The following FBXW10 variants were observed in gnomAD, a reference collection of about 807,000 sequenced individuals.
FBXW10 encodes the protein F-box and WD repeat domain containing 10.
FBXW10 carries 68 observed loss-of-function variants against 113.1 expected under a neutral mutation model. That is an observed-to-expected ratio of 0.60 (90% CI 0.49 to 0.74). FBXW10 has a LOEUF of 0.74. FBXW10 is among the 30% of genes least tolerant of loss of function. The pLI, the probability that FBXW10 is intolerant of heterozygous loss-of-function variation, is 0.00. For synonymous variants in FBXW10, 289 were observed against 481.6 expected (o/e 0.60, Z 5.24); for missense variants, 753 against 1,284.5 (o/e 0.59, Z 6.32).
chr17:18,746,002 G>A (rs1266522700), intron 1 of FBXW10, among the ~76,000 whole-genome samples: 1 of 152,162 alleles, frequency 6.6e-6, no homozygotes, highest in East Asian at 1.9e-4. Flanking sequence ...TTCTGGTGAG[G>A]GCTTCAGGAA....
At chr17:18,754,985 G>A (rs921793496) in intron 5 of FBXW10, among the ~76,000 whole-genome samples, 2 of 152,304 alleles carry the variant, frequency 1.3e-5, no homozygotes, top group Non-Finnish European at 2.9e-5. Context: ...AATGCAGGCT[G>A]GGCGTGGTGG....
Position 18,772,437 on chromosome 17 carries a change from G to A in FBXW10, c.2032G>A (p.Val678Ile), listed in dbSNP as rs1184638840. The change falls in exon 12 of 14, where the codon GTT (valine) becomes ATT (isoleucine). Residue 678 changes from valine (V) to isoleucine (I), a missense_variant. Physicochemically the swap from Val to Ile is conservative, Grantham distance 29. Transcript: ENST00000395665. ...NRMVVNTESN[V>I]LMFQFEHIKW... ...GATGGTGGTCAACACAGAGAGCAAT[G>A]TTCTCATGTTCCAGTTTGAGCACAT... 6.2e-6 allele frequency: 10 copies of A among 1,614,000 alleles called. No homozygotes were observed. Among genetic ancestry groups the A allele is most frequent in the Non-Finnish European group, 8.5e-6 (10 of 1,180,008 alleles).
At chr17:18,763,592 T>G (rs1307918233) in intron 7 of FBXW10, among the ~76,000 whole-genome samples, 1 of 152,110 alleles carries the variant, frequency 6.6e-6, no homozygotes, top group Non-Finnish European at 1.5e-5. Flanking sequence ...CCAGAACCAT[T>G]ATCTCAGCAT....
intron 7 of FBXW10, among the ~76,000 whole-genome samples, chr17:18,764,104 T>C (rs1468241560): frequency 1.4e-5 from 2 of 147,230 alleles, no homozygotes; most frequent in Non-Finnish European, 3.0e-5. Context: ...TCTCCAGATA[T>C]TTCCAAATGG....
chr17:18,773,223 G>A (rs1472845728), intron 12 of FBXW10, among the ~76,000 whole-genome samples: 1 of 151,984 alleles, frequency 6.6e-6, no homozygotes, highest in African/African-American at 2.4e-5. Flanking sequence ...GTGGGCCACC[G>A]TGCCCGGCCT....
At chr17:18,772,731 G>T (rs1425353986) in intron 12 of FBXW10, 48 bp downstream of exon 12, 3 of 1,549,980 alleles carry the variant, frequency 1.9e-6, no homozygotes, top group Non-Finnish European at 2.6e-6. Flanking sequence ...CACAGAGCAG[G>T]TCGGGGTTTG....
At chr17:18,744,956 A>G (rs2035012415) in intron 1 of FBXW10, 1 of 1,437,356 alleles carries the variant, frequency 7.0e-7, no homozygotes, top group East Asian at 2.5e-5. Flanking sequence ...TCCTTCTTGA[A>G]AATGATCAAT....
intron 12 of FBXW10, 53 bp from the exon 13 acceptor site, chr17:18,775,083 T>C (rs2035677777): frequency 8.8e-6 from 10 of 1,134,426 alleles, no homozygotes; most frequent in Non-Finnish European, 1.3e-5. Flanking sequence ...TATTATTTTA[T>C]GCCCTAATCG....
chr17:18,768,816 C>T lies in FBXW10; in HGVS notation c.1847+140C>T, dbSNP rs2035554192. The T allele has an allele frequency of 8.9e-6, 8 of 895,578 alleles. No individual in the cohort carries two copies. In the South Asian group the frequency reaches 1.3e-4, roughly 15 times the overall value. 55.5% of individuals were successfully genotyped at this position (895,578 alleles called of 1,614,324 possible). Reference sequence around the variant, plus strand: ...ACCTCACCCTCTCTGCTTCCCTCCTCTTCCACCTGGGACCCATTTTTCCCC... The same window carrying T: ...ACCTCACCCTCTCTGCTTCCCTCCTTTTCCACCTGGGACCCATTTTTCCCC... On this transcript the variant is annotated intron_variant, in intron 10 of 13. Transcript: ENST00000395665.
At chr17:18,753,536 C>G (rs1421596960) in intron 5 of FBXW10, among the ~76,000 whole-genome samples, 1 of 152,060 alleles carries the variant, frequency 6.6e-6, no homozygotes, top group Non-Finnish European at 1.5e-5. Flanking sequence ...GTCAAGCCAC[C>G]CTTCGCCTTT....
chr17:18,750,832 T>A (rs1174961998), intron 4 of FBXW10, 99 bp from the exon 5 acceptor site: 85 of 1,392,126 alleles, frequency 6.1e-5, no homozygotes, highest in Non-Finnish European at 8.1e-5. Context: ...CCTTCACATT[T>A]TGCCAAGAAC....
chr17:18,775,291 A>T lies in FBXW10; in HGVS notation c.2335+99A>T. 4 of 773,300 alleles carry T rather than the reference A, an allele frequency of 5.2e-6. 1 individual carries two copies. In the South Asian group the frequency reaches 6.1e-5, roughly 12 times the overall value. 47.9% of individuals were successfully genotyped at this position (773,300 alleles called of 1,614,324 possible). A position where few individuals can be genotyped will look rare whatever the true frequency, so the allele number is the denominator to read the frequency against. ...ATCCACAGCAGGAGATAAGACAAAA[A>T]GTCATACTTAATTCTGAATTAGTGG... On this transcript the variant is annotated intron_variant, in intron 13 of 13. Coordinates refer to ENST00000395665, the MANE Select transcript of FBXW10 (RefSeq NM_001267585.2).
At chr17:18,762,805 T>A (rs1427526405) in intron 7 of FBXW10, among the ~76,000 whole-genome samples, 2 of 151,146 alleles carry the variant, frequency 1.3e-5, no homozygotes, top group African/African-American at 4.9e-5. Flanking sequence ...CCTGCTGTTA[T>A]GACTTTGGCT....
At position 18,752,673 on chromosome 17, in the gene FBXW10, A is replaced by T. The variant is rs28705187; in HGVS notation, c.1122+1620A>T. Among the ~76,000 whole-genome samples the T allele has an allele frequency of 7.3e-5, 11 of 151,362 alleles. 1 individual carries two copies. The South Asian group carries it at 2.3e-3, about 32-fold the overall frequency. On this transcript the variant is annotated intron_variant, in intron 5 of 13. Transcript: ENST00000395665. ...GCTTGCAGTGAGCCGAGATTGCGCC[A>T]CTGCACTCCAGCCTGGGTGACAGAG...
At position 18,768,649 on chromosome 17, in the gene FBXW10, G is replaced by A. The variant is rs1597602003; in HGVS notation, c.1820G>A (p.Arg607His). ...TGGAGCATGGTGGGGAAGTACGAGCGCTGCCTGATGGCCTTCAAGCATCCC... is the reference window on the plus strand; with the variant it reads ...TGGAGCATGGTGGGGAAGTACGAGCACTGCCTGATGGCCTTCAAGCATCCC... Reference protein sequence around the residue: ...MAWSMVGKYERCLMAFKHPKE... With the variant: ...MAWSMVGKYEHCLMAFKHPKE... Residue 607 changes from arginine (R) to histidine (H), a missense_variant, in exon 10 of 14, where the codon CGC becomes CAC. Arg to His is a conservative substitution (Grantham distance 29). Transcript: ENST00000395665. 5.6e-6 allele frequency: 9 copies of A among 1,613,872 alleles called. No homozygotes were observed. The highest frequency in any genetic ancestry group is 4.5e-5 in the East Asian group (2 of 44,872).
chr17:18,758,230 G>T (rs2035304835), intron 6 of FBXW10, 75 bp from the exon 7 acceptor site: 7 of 1,251,400 alleles, frequency 5.6e-6, no homozygotes, highest in East Asian at 2.5e-5. Context: ...GTAGGCAAAA[G>T]TCATGGGGCT....
intron 6 of FBXW10, among the ~76,000 whole-genome samples, chr17:18,756,766 A>AC (rs2035273152): frequency 6.6e-6 from 1 of 152,216 alleles, no homozygotes; most frequent in African/African-American, 2.4e-5. Flanking sequence ...TTTAATAAGC[A>AC]ACTTTCTGCC....
chr17:18,747,955 A>G lies in FBXW10; in HGVS notation c.520A>G (p.Ile174Val). ...CTGTGTTTCAGGGCTCAATCAAGACATCACAGATGTGTGTTTTTCCCCTGA... is the reference window on the plus strand; with the variant it reads ...CTGTGTTTCAGGGCTCAATCAAGACGTCACAGATGTGTGTTTTTCCCCTGA... ...ENNISGLNQD[I>V]TDVCFSPEKD... Residue 174 changes from isoleucine to valine, a missense_variant, in exon 2 of 14, where the codon ATC (isoleucine) becomes GTC (valine). Transcript: ENST00000395665. 1 of 1,613,940 alleles carries G rather than the reference A, an allele frequency of 6.2e-7. No individual in the cohort carries two copies. Among genetic ancestry groups the G allele is most frequent in the Non-Finnish European group, 8.5e-7 (1 of 1,179,850 alleles).
At chr17:18,761,322 G>A (rs2035379981) in intron 7 of FBXW10, among the ~76,000 whole-genome samples, 1 of 150,938 alleles carries the variant, frequency 6.6e-6, no homozygotes, top group African/African-American at 2.4e-5. Context: ...CTAGAGTGCA[G>A]TGGCGCGATC....
Sources: gnomAD v4.1 joint callset for allele counts (sites outside exome capture counted in the v4.1 genomes callset) on GRCh38, gnomAD v4.1.1 for gene constraint, MANE v1.5 for transcripts, NCBI Gene and HGNC (gene_info 2026-07-23, HGNC 2026-07-21) for gene names.